CNTN1: variants seen among roughly 807,000 people sequenced by gnomAD.
CNTN1 encodes contactin-1.
A neutral mutation model predicts 126.4 loss-of-function variants in CNTN1; 38 were observed. The observed-to-expected ratio is 0.30, with a 90% CI of 0.23 to 0.39. CNTN1 has a LOEUF of 0.39. Among genes scored for constraint, CNTN1 ranks in the 10% least tolerant of loss-of-function variants. The pLI is 1.00. For missense variants in CNTN1, 1,009 were observed against 1,248.4 expected, an observed-to-expected ratio of 0.81 and a Z score of 2.89; for synonymous variants, 413 against 422.6, an observed-to-expected ratio of 0.98 and a Z score of 0.28.
intron 1 of CNTN1, among the ~76,000 whole-genome samples, chr12:40,897,218 A>G (rs1431505952): frequency 1.3e-5 from 2 of 152,138 alleles, no homozygotes; most frequent in Admixed American, 1.3e-4. Context: ...GGTCAAATTG[A>G]CATTTGTATT....
chr12:41,022,361 A>G (rs1453743054), intron 20 of CNTN1, among the ~76,000 whole-genome samples: 1 of 152,226 alleles, frequency 6.6e-6, no homozygotes, highest in Non-Finnish European at 1.5e-5. Context: ...ACCTTTTCCA[A>G]CTTACATTAA....
intron 22 of CNTN1, among the ~76,000 whole-genome samples, chr12:41,028,641 C>G (rs1439178690): frequency 6.6e-6 from 1 of 152,042 alleles, no homozygotes; most frequent in African/African-American, 2.4e-5. Context: ...TAAATATATT[C>G]TTTATATCAC....
chr12:40,721,752 C>A (rs539593632), intron 1 of CNTN1, among the ~76,000 whole-genome samples: 73 of 138,680 alleles, frequency 5.3e-4, no homozygotes, highest in Non-Finnish European at 8.9e-4. Context: ...CTTCCTATGT[C>A]TATGTGTTTT....
intron 3 of CNTN1, among the ~76,000 whole-genome samples, chr12:40,915,008 T>C (rs1442183): frequency 0.15 from 22,508 of 152,018 alleles, 2,399 homozygotes; most frequent in African/African-American, 0.31. Context: ...TTTTCCTTGC[T>C]AGCACCTTTT....
At chr12:40,833,956 T>A (rs1941952123) in intron 1 of CNTN1, among the ~76,000 whole-genome samples, 1 of 152,204 alleles carries the variant, frequency 6.6e-6, no homozygotes, top group Non-Finnish European at 1.5e-5. Context: ...CTTTAATATC[T>A]GATGAGGAAC....
chr12:40,872,175 C>A (rs1425355107), intron 1 of CNTN1, among the ~76,000 whole-genome samples: 1 of 149,304 alleles, frequency 6.7e-6, no homozygotes. Flanking sequence ...AGACCTTGAG[C>A]TTAAGAGATT....
At chr12:40,829,275 A>T (rs992678324) in intron 1 of CNTN1, among the ~76,000 whole-genome samples, 2 of 152,054 alleles carry the variant, frequency 1.3e-5, no homozygotes, top group African/African-American at 4.8e-5. Context: ...GTGAATATAT[A>T]TACTAGTGAA....
chr12:40,847,483 CT>C lies in CNTN1; in HGVS notation c.-76-60865del, dbSNP rs546709613. 2.4e-4 allele frequency among the ~76,000 whole-genome samples: 37 copies of C among 151,540 alleles called. 1 individual carries two copies. The highest frequency in any genetic ancestry group is 5.6e-4 in the African/African-American group (23 of 41,378). On this transcript the variant is annotated intron_variant, in intron 1 of 23. Coordinates refer to ENST00000551295, the MANE Select transcript of CNTN1 (RefSeq NM_001843.4). ...GCAAAGTACTTCAAATCAGCCAAAA[CT>C]TTTTTTTTGTTTTAACGTTTATATT...
At chr12:40,811,374 T>G (rs1222085450) in intron 1 of CNTN1, among the ~76,000 whole-genome samples, 1 of 152,200 alleles carries the variant, frequency 6.6e-6, no homozygotes, top group Non-Finnish European at 1.5e-5. Flanking sequence ...TTTCTTTTCT[T>G]GTAGTGTGTT....
At chr12:40,802,422 T>C (rs1284775951) in intron 1 of CNTN1, among the ~76,000 whole-genome samples, 1 of 151,968 alleles carries the variant, frequency 6.6e-6, no homozygotes, top group African/African-American at 2.4e-5. Context: ...ACTTTATTTC[T>C]CAACACAAGT....
chr12:41,051,886 CCACACAAACACACACACA>C (rs1949692121), intron 23 of CNTN1, among the ~76,000 whole-genome samples: 1 of 132,882 alleles, frequency 7.5e-6, no homozygotes, highest in African/African-American at 3.0e-5. Context: ...AACATCCACC[CCACACAAACACACACACA>C]CACACACACA....
rs35784846 is a variant in CNTN1, at chr12:40,895,755, A to ATTTTTTT, written c.-76-12588_-76-12582dup. 1.5e-4 allele frequency among the ~76,000 whole-genome samples: 18 copies of ATTTTTTT among 121,716 alleles called. 1 individual carries two copies. The highest frequency in any genetic ancestry group is 5.4e-4 in the African/African-American group (17 of 31,700). The allele number at this position is 121,716 out of a possible 152,430, so 79.9% of individuals were successfully genotyped here. On this transcript the variant is annotated intron_variant, in intron 1 of 23. Coordinates refer to ENST00000551295, the MANE Select transcript of CNTN1 (RefSeq NM_001843.4). Reference sequence around the variant, plus strand: ...TTAATAGTAATTCTTGTGCTTCAAGATTTTTTTTTTTTTTTTTTTTGAGAC... The same window carrying ATTTTTTT: ...TTAATAGTAATTCTTGTGCTTCAAGATTTTTTTTTTTTTTTTTTTTTTTTTTTGAGAC...
chr12:41,039,688 A>G (rs1949352500), intron 23 of CNTN1, among the ~76,000 whole-genome samples: 1 of 152,140 alleles, frequency 6.6e-6, no homozygotes, highest in Non-Finnish European at 1.5e-5. Context: ...GCATAATTAT[A>G]TAACTTTATT....
At chr12:40,930,127 A>G (rs1474422181) in intron 7 of CNTN1, 125 bp downstream of exon 7, 2 of 826,380 alleles carry the variant, frequency 2.4e-6, no homozygotes, top group African/African-American at 3.4e-5. Context: ...ATAAAAGGGG[A>G]TGCATGTTGA....
At chr12:40,751,856 A>G (rs1254145056) in intron 1 of CNTN1, among the ~76,000 whole-genome samples, 2 of 152,102 alleles carry the variant, frequency 1.3e-5, no homozygotes, top group African/African-American at 4.8e-5. Context: ...ATGGTCTCTA[A>G]AGAGCCTCAT....
chr12:40,716,024 C>T (rs1018279049), intron 1 of CNTN1, among the ~76,000 whole-genome samples: 1 of 151,980 alleles, frequency 6.6e-6, no homozygotes, highest in Non-Finnish European at 1.5e-5. Context: ...GACCTACTTT[C>T]TTTATGTCAG....
At chr12:40,967,756 G>A (rs949109309) in intron 15 of CNTN1, among the ~76,000 whole-genome samples, 2 of 151,848 alleles carry the variant, frequency 1.3e-5, no homozygotes, top group African/African-American at 2.4e-5. Flanking sequence ...TGAATAAATG[G>A]CAATTAGTTC....
chr12:40,844,315 C>T (rs1942418408), intron 1 of CNTN1, among the ~76,000 whole-genome samples: 1 of 151,974 alleles, frequency 6.6e-6, no homozygotes. Context: ...ATACACCCGC[C>T]TCGGCCTCCC....
chr12:40,780,893 G>A lies in CNTN1; in HGVS notation c.-77+88301G>A, dbSNP rs1397561354. Among the ~76,000 whole-genome samples, 6 of 147,318 alleles carry A rather than the reference G, an allele frequency of 4.1e-5. No individual in the cohort carries two copies. The Admixed American group carries it at 4.1e-4, about 10-fold the overall frequency. On this transcript the variant is annotated intron_variant, in intron 1 of 23. Coordinates refer to ENST00000551295, the MANE Select transcript of CNTN1 (RefSeq NM_001843.4). ...AAAGGGTAGAATTTTCATTTTTAAA[G>A]AATTTTGTGCAAAAATGATGGAAAT...
Sources: allele counts gnomAD v4.1 joint callset (sites outside exome capture counted in the v4.1 genomes callset), GRCh38; gene constraint gnomAD v4.1.1; transcripts MANE v1.5; gene names NCBI Gene and HGNC (gene_info 2026-07-23, HGNC 2026-07-21).